The following THSD7A variants were observed in gnomAD, a reference collection of about 807,000 sequenced individuals.
THSD7A encodes thrombospondin type 1 domain containing 7A.
Under a neutral mutation model 231.3 loss-of-function variants are expected in THSD7A, and 96 were observed. The ratio of observed to expected loss-of-function variants is 0.41; its 90% CI spans 0.35 to 0.49. The LOEUF (loss-of-function observed/expected upper bound fraction) is 0.49. Ranked by LOEUF, THSD7A falls within the 20% of genes least tolerant of loss-of-function variation. The probability of loss-of-function intolerance (pLI) is 0.05; values close to 1 mark genes in which losing one functional copy is unlikely to be tolerated. For synonymous variants in THSD7A, 940 were observed against 743.3 expected (o/e 1.26, Z -4.30); for missense variants, 2,290 against 2,070.2 (o/e 1.11, Z -2.06).
chr7:11,436,600 C>A (rs571305548), intron 13 of THSD7A, among the ~76,000 whole-genome samples: 13 of 151,740 alleles, frequency 8.6e-5, no homozygotes, highest in Non-Finnish European at 1.0e-4. Flanking sequence ...AGAAATAGAT[C>A]TAAATAGATT....
chr7:11,567,132 T>C (rs1233520808), intron 4 of THSD7A, among the ~76,000 whole-genome samples: 1 of 152,148 alleles, frequency 6.6e-6, no homozygotes. Context: ...TTTTTCATAC[T>C]GCTATAAAGT....
At position 11,695,485 on chromosome 7, in the gene THSD7A, G is replaced by C. The variant is rs150049492; in HGVS notation, c.191-58524C>G. Among the ~76,000 whole-genome samples, 6 of 151,598 alleles carry C rather than the reference G, an allele frequency of 4.0e-5. No individual in the cohort carries two copies. The East Asian group carries it at 1.2e-3, about 30-fold the overall frequency. ...AAATATTGACTTCCATATAGTGTCA[G>C]TTTTATGCAATAAGGTGCTGTGAAA... On this transcript the variant is annotated intron_variant, in intron 1 of 27. Coordinates refer to ENST00000423059, the MANE Select transcript of THSD7A (RefSeq NM_015204.3).
At position 11,667,889 on chromosome 7, in the gene THSD7A, A is replaced by G. The variant is rs1783207023; in HGVS notation, c.191-30928T>C. On this transcript the variant is annotated intron_variant, in intron 1 of 27. Coordinates refer to ENST00000423059, the MANE Select transcript of THSD7A (RefSeq NM_015204.3). ...GTTCTCAAGCCATGAAAGCATATGTATTAGCATAAAACAACATGCATATTA... is the reference window on the plus strand; with the variant it reads ...GTTCTCAAGCCATGAAAGCATATGTGTTAGCATAAAACAACATGCATATTA... 2.0e-5 allele frequency among the ~76,000 whole-genome samples: 3 copies of G among 152,196 alleles called. No homozygotes were observed. In the South Asian group the frequency reaches 6.2e-4, roughly 32 times the overall value.
At chr7:11,698,873 T>C (rs1385801639) in intron 1 of THSD7A, among the ~76,000 whole-genome samples, 1 of 151,324 alleles carries the variant, frequency 6.6e-6, no homozygotes, top group Non-Finnish European at 1.5e-5. Flanking sequence ...TCAGATCAGG[T>C]TTTGGATCAG....
chr7:11,773,681 CATA>C (rs1216576549), intron 1 of THSD7A, among the ~76,000 whole-genome samples: 2 of 151,864 alleles, frequency 1.3e-5, no homozygotes, highest in African/African-American at 4.8e-5. Flanking sequence ...ATTATGGATT[CATA>C]ATAATACATA....
chr7:11,409,824 C>G (rs576229783), intron 19 of THSD7A, among the ~76,000 whole-genome samples: 45 of 152,102 alleles, frequency 3.0e-4, no homozygotes, highest in African/African-American at 1.1e-3. Context: ...CTCATGGCAT[C>G]CTCTGCCTCC....
chr7:11,770,966 T>G (rs1022604332), intron 1 of THSD7A, among the ~76,000 whole-genome samples: 49 of 151,544 alleles, frequency 3.2e-4, no homozygotes, highest in Non-Finnish European at 6.8e-4. Context: ...TATATAAAAT[T>G]TTAATATTCA....
At chr7:11,478,141 G>T (rs1786271430) in intron 7 of THSD7A, among the ~76,000 whole-genome samples, 1 of 152,002 alleles carries the variant, frequency 6.6e-6, no homozygotes, top group South Asian at 2.1e-4. Flanking sequence ...ATTACCCATT[G>T]TTATCTCCAT....
intron 23 of THSD7A, among the ~76,000 whole-genome samples, chr7:11,391,073 C>T (rs947795773): frequency 5.9e-5 from 9 of 152,026 alleles, no homozygotes; most frequent in East Asian, 1.9e-4. Flanking sequence ...GACGTGGGGT[C>T]GGGACCCACT....
intron 1 of THSD7A, among the ~76,000 whole-genome samples, chr7:11,825,517 C>A (rs770232393): frequency 4.6e-5 from 7 of 152,082 alleles, no homozygotes; most frequent in Admixed American, 3.9e-4. Context: ...GGCTAATGCA[C>A]ATTATTGGGC....
chr7:11,694,126 G>A (rs910734189), intron 1 of THSD7A, among the ~76,000 whole-genome samples: 1 of 151,462 alleles, frequency 6.6e-6, no homozygotes, highest in African/African-American at 2.4e-5. Flanking sequence ...ATTACCTTCT[G>A]TTTCCCAGAG....
At chr7:11,702,777 A>C (rs1780645706) in intron 1 of THSD7A, among the ~76,000 whole-genome samples, 1 of 151,094 alleles carries the variant, frequency 6.6e-6, no homozygotes, top group African/African-American at 2.4e-5. Context: ...TATCTTTGTG[A>C]GTATCAAAGT....
chr7:11,794,745 C>G (rs766965771), intron 1 of THSD7A, among the ~76,000 whole-genome samples: 15 of 151,932 alleles, frequency 9.9e-5, no homozygotes, highest in Non-Finnish European at 2.9e-5. Context: ...CATTTTTCAG[C>G]AGCCCTCCCA....
At chr7:11,690,203 A>G (rs1054246372) in intron 1 of THSD7A, among the ~76,000 whole-genome samples, 10 of 151,818 alleles carry the variant, frequency 6.6e-5, no homozygotes, top group African/African-American at 2.4e-4. Flanking sequence ...TGGTAAATAT[A>G]CAGAAGCAAA....
intron 1 of THSD7A, chr7:11,821,158 T>C (rs973672000): frequency 1.8e-6 from 2 of 1,126,362 alleles, no homozygotes; most frequent in African/African-American, 1.5e-5. Context: ...AAAGTGTTTA[T>C]GTAATGTCAT....
Position 11,634,846 on chromosome 7 carries a change from A to G in THSD7A, c.1022+1284T>C, listed in dbSNP as rs1374248149. The stretch of plus-strand genomic sequence containing the variant: ...GTTATTGTCTTAGACAGACCAATCA[A>G]TTTTTGTTTATCTAATTAAACTATA... On this transcript the variant is annotated intron_variant, in intron 2 of 27. Transcript: ENST00000423059. The surrounding 1 kb of genome is among the most constrained non-coding windows in gnomAD (Gnocchi z 4.1). 6.6e-6 allele frequency among the ~76,000 whole-genome samples: 1 copy of G among 152,182 alleles called. No individual in the cohort carries two copies. The highest frequency in any genetic ancestry group is 1.9e-4 in the East Asian group (1 of 5,200).
At chr7:11,502,043 C>A (rs61556694) in intron 6 of THSD7A, among the ~76,000 whole-genome samples, 2 of 151,896 alleles carry the variant, frequency 1.3e-5, no homozygotes, top group Non-Finnish European at 2.9e-5. Flanking sequence ...GATGGATAAA[C>A]TCCTGGACAT....
intron 6 of THSD7A, among the ~76,000 whole-genome samples, chr7:11,530,895 C>T (rs1788681699): frequency 6.6e-6 from 1 of 152,040 alleles, no homozygotes; most frequent in African/African-American, 2.4e-5. Flanking sequence ...TCTGTAATCC[C>T]AACTACTTGG....
chr7:11,478,746 T>C (rs970720141), intron 7 of THSD7A, among the ~76,000 whole-genome samples: 13 of 152,134 alleles, frequency 8.5e-5, no homozygotes, highest in Admixed American at 7.9e-4. Context: ...GGAGCCCTGT[T>C]TTATCTACTG....
Sources: gnomAD v4.1 joint callset for allele counts (sites outside exome capture counted in the v4.1 genomes callset) on GRCh38, gnomAD v4.1.1 for gene constraint, Gnocchi (gnomAD v3.1) non-coding constraint, MANE v1.5 for transcripts, NCBI Gene and HGNC (gene_info 2026-07-23, HGNC 2026-07-21) for gene names.